Variants in EVI5 observed in about 807,000 individuals in gnomAD.
EVI5 encodes ecotropic viral integration site 5, also known as ecotropic viral integration site 5 protein homolog.
Under a neutral mutation model 112.0 loss-of-function variants are expected in EVI5, and 73 were observed. That is an observed-to-expected ratio of 0.65 (90% CI 0.54 to 0.79). The LOEUF (loss-of-function observed/expected upper bound fraction) is 0.79, where lower values mean the gene tolerates loss of function less well. Ranked by LOEUF, EVI5 falls within the 30% of genes least tolerant of loss-of-function variation. The pLI, the probability that EVI5 is intolerant of heterozygous loss-of-function variation, is 0.00. For synonymous variants in EVI5, 305 were observed against 319.9 expected (o/e 0.95, Z 0.50); for missense variants, 900 against 968.8 (o/e 0.93, Z 0.94).
chr1:92,665,890 A>G, intron 11 of EVI5, 49 bp downstream of exon 11: 1 of 1,320,148 alleles, frequency 7.6e-7, no homozygotes, highest in Non-Finnish European at 1.1e-6. Context: ...ATATACAGAA[A>G]AAACACCAGG....
At chr1:92,594,814 A>G (rs956700622) in intron 18 of EVI5, among the ~76,000 whole-genome samples, 1 of 150,708 alleles carries the variant, frequency 6.6e-6, no homozygotes, top group Non-Finnish European at 1.5e-5. Context: ...ACACATGAAA[A>G]AATGCTCATC....
intron 19 of EVI5, among the ~76,000 whole-genome samples, chr1:92,545,927 C>T (rs1665612441): frequency 6.6e-6 from 1 of 151,862 alleles, no homozygotes; most frequent in Non-Finnish European, 1.5e-5. Flanking sequence ...CTTTTCCTGG[C>T]AATCTTCTAC....
At position 92,617,913 on chromosome 1, in the gene EVI5, C is replaced by T. The variant is rs150114129; in HGVS notation, c.1827+6263G>A. ...TTAAACACCATCATGGTATTCCACA[C>T]AGCATTGCCTCTGACTAAGGCACTC... On this transcript the variant is annotated intron_variant, in intron 16 of 19. Coordinates refer to ENST00000684568, the MANE Select transcript of EVI5 (RefSeq NM_001350197.2). Among the ~76,000 whole-genome samples, 22 of 152,322 alleles carry T rather than the reference C, an allele frequency of 1.4e-4. No homozygotes were observed. The East Asian group carries it at 4.0e-3, about 28-fold the overall frequency.
chr1:92,601,555 C>A (rs1190639860), intron 18 of EVI5, among the ~76,000 whole-genome samples: 3 of 140,442 alleles, frequency 2.1e-5, no homozygotes, highest in African/African-American at 8.1e-5. Flanking sequence ...CTGTCATTCA[C>A]AACAACATGA....
At chr1:92,546,644 C>T (rs879802712) in intron 19 of EVI5, among the ~76,000 whole-genome samples, 25 of 151,826 alleles carry the variant, frequency 1.6e-4, no homozygotes, top group African/African-American at 4.8e-4. Context: ...TGCAGTGAGC[C>T]GAGATCACGC....
intron 2 of EVI5, among the ~76,000 whole-genome samples, chr1:92,720,768 T>A (rs537554678): frequency 6.6e-6 from 1 of 152,222 alleles, no homozygotes; most frequent in African/African-American, 2.4e-5. Flanking sequence ...ATCTTTGCAA[T>A]CTACCCAACT....
At chr1:92,632,178 G>A (rs1442248827) in intron 14 of EVI5, among the ~76,000 whole-genome samples, 3 of 152,160 alleles carry the variant, frequency 2.0e-5, no homozygotes, top group Non-Finnish European at 2.9e-5. Flanking sequence ...TTTGGTATCA[G>A]GATGATGCTG....
upstream of EVI5, among the ~76,000 whole-genome samples, chr1:92,785,655 C>T (rs1207911493): frequency 2.0e-5 from 3 of 152,228 alleles, no homozygotes; most frequent in African/African-American, 7.2e-5. Flanking sequence ...CCGGGCAGCC[C>T]TCCAGCGTCA....
intron 3 of EVI5, chr1:92,703,903 G>T: frequency 1.7e-5 from 2 of 119,286 alleles, no homozygotes; most frequent in Non-Finnish European, 2.9e-5. Context: ...TGATGGTACA[G>T]TACCCAACAT....
At chr1:92,570,684 A>G (rs1265616852) in intron 18 of EVI5, among the ~76,000 whole-genome samples, 3 of 152,200 alleles carry the variant, frequency 2.0e-5, no homozygotes, top group African/African-American at 7.2e-5. Flanking sequence ...ATTAACACCA[A>G]TTCTTTCCTC....
chr1:92,565,417 A>G (rs768627584), intron 18 of EVI5, among the ~76,000 whole-genome samples: 6 of 152,304 alleles, frequency 3.9e-5, no homozygotes, highest in Middle Eastern at 3.4e-3. Flanking sequence ...ATTCCTGTAA[A>G]AGTTACCTTA....
intron 1 of EVI5, among the ~76,000 whole-genome samples, chr1:92,737,854 T>A (rs1361225729): frequency 6.6e-6 from 1 of 152,218 alleles, no homozygotes; most frequent in Admixed American, 6.5e-5. Flanking sequence ...AAAGATTCCA[T>A]TACAAGTGCT....
chr1:92,762,230 A>T (rs566007966), intron 1 of EVI5, among the ~76,000 whole-genome samples: 1 of 152,328 alleles, frequency 6.6e-6, no homozygotes, highest in Non-Finnish European at 1.5e-5. Context: ...ACATATTTCT[A>T]TCTCTCTCTG....
chr1:92,647,630 C>A, intron 13 of EVI5: 1 of 390,242 alleles, frequency 2.6e-6, no homozygotes, highest in Non-Finnish European at 4.9e-6. Flanking sequence ...TTCTTGGGAT[C>A]ACCTTTAGCC....
intron 19 of EVI5, among the ~76,000 whole-genome samples, chr1:92,524,195 C>T (rs1050478311): frequency 2.0e-5 from 3 of 147,182 alleles, no homozygotes; most frequent in Non-Finnish European, 4.5e-5. Flanking sequence ...CATATGAATT[C>T]AGCAGGACAG....
chr1:92,533,239 A>G (rs1294922932), intron 19 of EVI5, among the ~76,000 whole-genome samples: 1 of 152,204 alleles, frequency 6.6e-6, no homozygotes, highest in African/African-American at 2.4e-5. Flanking sequence ...TAAAGCAGGA[A>G]GAAGTTGAAT....
At chr1:92,604,705 C>T (rs1046277779) in intron 18 of EVI5, among the ~76,000 whole-genome samples, 10 of 152,156 alleles carry the variant, frequency 6.6e-5, no homozygotes, top group East Asian at 3.8e-4. Flanking sequence ...CACAACTGTA[C>T]GTGCTACACT....
At chr1:92,615,590 AT>A (rs755249818) in intron 16 of EVI5, among the ~76,000 whole-genome samples, 2 of 152,132 alleles carry the variant, frequency 1.3e-5, no homozygotes, top group African/African-American at 4.8e-5. Flanking sequence ...CAACTTCCCC[AT>A]CCCCAGTAGT....
intron 10 of EVI5, among the ~76,000 whole-genome samples, chr1:92,670,649 C>T (rs367581674): frequency 1.3e-5 from 2 of 152,170 alleles, no homozygotes; most frequent in East Asian, 1.9e-4. Context: ...CAATATGGTT[C>T]TTAGCAATAA....
Sources: gnomAD v4.1 joint callset for allele counts (sites outside exome capture counted in the v4.1 genomes callset) on GRCh38, gnomAD v4.1.1 for gene constraint, MANE v1.5 for transcripts, NCBI Gene and HGNC (gene_info 2026-07-23, HGNC 2026-07-21) for gene names.